The following DCDC1 variants were observed in gnomAD, a reference collection of about 807,000 sequenced individuals.
DCDC1 encodes the protein doublecortin domain containing 1.
In DCDC1, 200 loss-of-function variants were observed where a neutral mutation model predicts 178.3. That is an observed-to-expected ratio of 1.12 (90% confidence interval 1.00 to 1.26). The LOEUF is 1.26. Ranked by LOEUF, DCDC1 falls within the 50% of genes most tolerant of loss-of-function variation. The probability of loss-of-function intolerance (pLI) is 0.00; values close to 1 mark genes in which losing one functional copy is unlikely to be tolerated. For synonymous variants in DCDC1, 690 were observed against 604.8 expected (o/e 1.14, Z -2.07); for missense variants, 1,983 against 1,749.2 (o/e 1.13, Z -2.38).
At chr11:30,912,743 A>AC (rs1290570218) in intron 27 of DCDC1, among the ~76,000 whole-genome samples, 4 of 151,980 alleles carry the variant, frequency 2.6e-5, no homozygotes, top group African/African-American at 9.7e-5. Context: ...TGGGGAGGGG[A>AC]CCCCATTGCA....
chr11:31,211,293 A>G (rs1972504116), intron 9 of DCDC1, among the ~76,000 whole-genome samples: 1 of 152,248 alleles, frequency 6.6e-6, no homozygotes, highest in African/African-American at 2.4e-5. Flanking sequence ...TCAACTGGCT[A>G]TACTAGGATA....
intron 20 of DCDC1, among the ~76,000 whole-genome samples, chr11:30,989,669 G>A (rs1950862305): frequency 6.6e-6 from 1 of 152,084 alleles, no homozygotes. Context: ...AATTATTTCT[G>A]CTCAAATCCA....
intron 1 of DCDC1, among the ~76,000 whole-genome samples, chr11:31,358,188 T>C (rs576031069): frequency 0.02 from 3,089 of 151,680 alleles, 91 homozygotes; most frequent in African/African-American, 0.07. Context: ...CTTCAAACTA[T>C]ACTACAAGGC....
intron 17 of DCDC1, among the ~76,000 whole-genome samples, chr11:31,079,809 A>G (rs1957071817): frequency 6.6e-6 from 1 of 152,220 alleles, no homozygotes; most frequent in Admixed American, 6.5e-5. Context: ...GGTGGAGGTT[A>G]GAGAGAGTAG....
At chr11:31,240,877 C>T (rs1039335444) in intron 9 of DCDC1, among the ~76,000 whole-genome samples, 3 of 151,904 alleles carry the variant, frequency 2.0e-5, no homozygotes, top group African/African-American at 7.2e-5. Context: ...CACACACATA[C>T]AAACATGAAA....
chr11:31,347,151 T>C (rs1466975981), intron 1 of DCDC1, among the ~76,000 whole-genome samples: 1 of 152,184 alleles, frequency 6.6e-6, no homozygotes, highest in East Asian at 1.9e-4. Flanking sequence ...AGAATTCAAG[T>C]GGGACAGAGC....
At chr11:30,976,369 G>C (rs940154616) in intron 20 of DCDC1, among the ~76,000 whole-genome samples, 3 of 152,018 alleles carry the variant, frequency 2.0e-5, no homozygotes, top group Non-Finnish European at 1.5e-5. Context: ...GCACAGCAAA[G>C]TAAACAATCA....
intron 35 of DCDC1, among the ~76,000 whole-genome samples, chr11:30,893,636 CTAAG>C (rs1453924098): frequency 6.6e-6 from 1 of 152,064 alleles, no homozygotes; most frequent in African/African-American, 2.4e-5. Context: ...GGGCACGTGC[CTAAG>C]ATTTAGATTG....
chr11:31,298,644 C>T (rs1947876950), intron 6 of DCDC1, among the ~76,000 whole-genome samples: 1 of 152,080 alleles, frequency 6.6e-6, no homozygotes. Context: ...TTTAACCAAA[C>T]CATGAAAAAG....
At chr11:31,125,905 A>G (rs1249914954) in intron 11 of DCDC1, among the ~76,000 whole-genome samples, 1 of 152,074 alleles carries the variant, frequency 6.6e-6, no homozygotes, top group East Asian at 1.9e-4. Flanking sequence ...CATCCTTCAC[A>G]TGTGCCCTAG....
intron 20 of DCDC1, among the ~76,000 whole-genome samples, chr11:30,979,489 CTA>C (rs1452916328): frequency 2.6e-5 from 4 of 152,154 alleles, no homozygotes; most frequent in Admixed American, 6.5e-5. Flanking sequence ...TGCATCTTAT[CTA>C]TGTTTTACTT....
At chr11:30,954,079 G>A (rs1848393) in intron 20 of DCDC1, among the ~76,000 whole-genome samples, 68,893 of 141,752 alleles carry the variant, frequency 0.49, 17,573 homozygotes, top group Middle Eastern at 0.61. Flanking sequence ...TGGCTCGATC[G>A]ATCTCGGCTC....
chr11:31,067,449 G>A (rs111375572), intron 18 of DCDC1, among the ~76,000 whole-genome samples: 2,783 of 152,206 alleles, frequency 0.018, 41 homozygotes, highest in Non-Finnish European at 0.028. Flanking sequence ...AATAACAAGA[G>A]TTGGCAAGAA....
In DCDC1 at chr11:30,894,257, T is replaced by C. The variant is rs1944023458; in HGVS notation, c.4893A>G (p.Arg1631=). 2.5e-6 allele frequency: 4 copies of C among 1,613,450 alleles called. No homozygotes were observed. Among genetic ancestry groups the C allele is most frequent in the Admixed American group, 1.7e-5 (1 of 59,904 alleles). The change falls in exon 35 of 39, where the codon AGA becomes AGG. Residue 1631 remains arginine, a synonymous_variant. Transcript: ENST00000684477. ...ATCCCAAAGAACATACCTCTGTATG[T>C]CTTATAAGTTCCATGAGTTTAATTT... ...QQEIKLMELI[R]HTEAHLSEIQ...
In DCDC1 at chr11:31,296,483, C is replaced by G. The variant is rs189947048; in HGVS notation, c.755-5631G>C. The stretch of plus-strand genomic sequence containing the variant: ...ACATTCCAAACTTTCCCACATCTTT[C>G]TGTCTTCTTCTGAGCCCTCCAAACT... On this transcript the variant is annotated intron_variant, in intron 6 of 38. Transcript: ENST00000684477. Among the ~76,000 whole-genome samples the G allele has an allele frequency of 2.6e-5, 4 of 152,300 alleles. No individual in the cohort carries two copies. The East Asian group carries it at 7.7e-4, about 29-fold the overall frequency.
intron 11 of DCDC1, among the ~76,000 whole-genome samples, chr11:31,117,917 A>T (rs1264575892): frequency 6.6e-6 from 1 of 152,116 alleles, no homozygotes; most frequent in East Asian, 1.9e-4. Context: ...TTAATCCCTA[A>T]AATTATATTT....
At chr11:31,345,267 A>T (rs569212681) in intron 1 of DCDC1, among the ~76,000 whole-genome samples, 4 of 152,346 alleles carry the variant, frequency 2.6e-5, no homozygotes, top group Admixed American at 6.5e-5. Context: ...GAAAAAATGG[A>T]ATAAACGTAA....
chr11:31,152,730 C>T (rs539994683), intron 9 of DCDC1, among the ~76,000 whole-genome samples: 1 of 152,270 alleles, frequency 6.6e-6, no homozygotes, highest in South Asian at 2.1e-4. Context: ...GCACCTGTGG[C>T]CATCCAAGAG....
At chr11:31,366,371 TA>T (rs1317938103) in intron 1 of DCDC1, among the ~76,000 whole-genome samples, 1 of 152,234 alleles carries the variant, frequency 6.6e-6, no homozygotes, top group East Asian at 1.9e-4. Flanking sequence ...AGCTGGTTCT[TA>T]GTTTCTCTGG....
Sources: gnomAD v4.1 joint callset for allele counts (sites outside exome capture counted in the v4.1 genomes callset) on GRCh38, gnomAD v4.1.1 for gene constraint, MANE v1.5 for transcripts, NCBI Gene and HGNC (gene_info 2026-07-23, HGNC 2026-07-21) for gene names.